NIBAN1: variants seen among roughly 807,000 people sequenced by gnomAD.
The protein encoded by NIBAN1 is protein Niban 1.
A neutral mutation model predicts 75.1 loss-of-function variants in NIBAN1; 81 were observed. That is an observed-to-expected ratio of 1.08 (90% CI 0.90 to 1.30). The LOEUF (loss-of-function observed/expected upper bound fraction) is 1.30. Among genes scored for constraint, NIBAN1 ranks in the 50% most tolerant of loss-of-function variants. The pLI, the probability that NIBAN1 is intolerant of heterozygous loss-of-function variation, is 0.00. For missense variants in NIBAN1, 1,133 were observed against 1,128.1 expected (o/e 1.00, Z -0.06); for synonymous variants, 436 against 424.8 (o/e 1.03, Z -0.32).
At position 184,942,067 on chromosome 1, in the gene NIBAN1, A is replaced by T. The variant is rs563928448; in HGVS notation, c.55+32235T>A. Among the ~76,000 whole-genome samples the T allele has an allele frequency of 4.7e-4, 71 of 152,036 alleles. 1 individual carries two copies. The highest frequency in any genetic ancestry group is 1.4e-3 in the African/African-American group (57 of 41,298). ...ATCATAATTGTGCCTACAGTTTTTT[A>T]AAAAAACAAATTAAGTAGACAATTT... On this transcript the variant is annotated intron_variant, in intron 1 of 13. Coordinates refer to ENST00000367511, the MANE Select transcript of NIBAN1 (RefSeq NM_052966.4).
chr1:184,941,890 G>A (rs915961216), intron 1 of NIBAN1, among the ~76,000 whole-genome samples: 1 of 152,150 alleles, frequency 6.6e-6, no homozygotes, highest in Non-Finnish European at 1.5e-5. Context: ...GGGTTCAGTA[G>A]CAGATCAGCT....
intron 2 of NIBAN1, among the ~76,000 whole-genome samples, 157 bp from the exon 3 acceptor site, chr1:184,894,363 C>G (rs546310318): frequency 1.6e-4 from 24 of 152,318 alleles, no homozygotes; most frequent in African/African-American, 5.1e-4. Context: ...CACAATTTCC[C>G]TTTCCTACTC....
intron 1 of NIBAN1, among the ~76,000 whole-genome samples, chr1:184,932,244 C>A (rs1226392849): frequency 6.6e-6 from 1 of 152,126 alleles, no homozygotes; most frequent in African/African-American, 2.4e-5. Flanking sequence ...TACTTTATTT[C>A]TATTATTATT....
At chr1:184,900,290 G>T (rs1222027618) in intron 1 of NIBAN1, among the ~76,000 whole-genome samples, 2 of 152,104 alleles carry the variant, frequency 1.3e-5, no homozygotes, top group East Asian at 3.9e-4. Context: ...GGAAACTTTG[G>T]TTTAAGAGCC....
At position 184,791,830 on chromosome 1, in the gene NIBAN1, CA is replaced by C. The variant is rs1653704376; in HGVS notation, c.*3146del. On this transcript the variant is annotated 3_prime_UTR_variant, in exon 14 of 14. Coordinates refer to ENST00000367511, the MANE Select transcript of NIBAN1 (RefSeq NM_052966.4). Reference sequence around the variant, plus strand: ...GACACATACAAGTCTGTATGAAAAGCAAAACAAACTCATGGTGATATGCAGT... The same window carrying C: ...GACACATACAAGTCTGTATGAAAAGCAAACAAACTCATGGTGATATGCAGT... The C allele has an allele frequency of 6.6e-6, 1 of 152,058 alleles. No homozygotes were observed. Among genetic ancestry groups the C allele is most frequent in the Non-Finnish European group, 1.5e-5 (1 of 68,000 alleles). The allele number at this position is 152,058 out of a possible 1,614,324, so 9.4% of individuals were successfully genotyped here.
chr1:184,928,908 GC>G (rs1354043873), intron 1 of NIBAN1, among the ~76,000 whole-genome samples: 1 of 152,084 alleles, frequency 6.6e-6, no homozygotes, highest in Non-Finnish European at 1.5e-5. Flanking sequence ...ATCTTGCTCT[GC>G]CCCAAGTCCT....
intron 1 of NIBAN1, among the ~76,000 whole-genome samples, chr1:184,904,139 ACCCG>A (rs1000449681): frequency 6.6e-6 from 1 of 151,486 alleles, no homozygotes; most frequent in African/African-American, 2.4e-5. Context: ...CAAGTGATCC[ACCCG>A]CCTCGGCCTC....
In NIBAN1 at chr1:184,795,537, C is replaced by T; in HGVS notation, c.2227G>A (p.Glu743Lys). 6.2e-7 allele frequency: 1 copy of T among 1,614,114 alleles called. No homozygotes were observed. Among genetic ancestry groups the T allele is most frequent in the Non-Finnish European group, 8.5e-7 (1 of 1,180,036 alleles). ...DTNGESHVPQ[E>K]NEEEEEKEPS... ...TCTTTTTCCTCTTCTTCTTCATTTT[C>T]TTGGGGAACGTGGCTCTCCCCATTC... Residue 743 changes from glutamate to lysine, a missense_variant, in exon 14 of 14, where the codon GAA (glutamate) becomes AAA (lysine). Transcript: ENST00000367511.
intron 1 of NIBAN1, among the ~76,000 whole-genome samples, chr1:184,968,900 A>G (rs890793657): frequency 6.6e-6 from 1 of 152,214 alleles, no homozygotes; most frequent in Admixed American, 6.5e-5. Flanking sequence ...CCTTTTGTCC[A>G]GTTACTCTGC....
chr1:184,873,058 A>T (rs1571536830), intron 5 of NIBAN1, among the ~76,000 whole-genome samples: 1 of 152,370 alleles, frequency 6.6e-6, no homozygotes, highest in Middle Eastern at 3.4e-3. Context: ...GGAAGCCAGA[A>T]GATCATGAAA....
intron 1 of NIBAN1, among the ~76,000 whole-genome samples, chr1:184,927,260 G>A (rs1657706404): frequency 6.6e-6 from 1 of 152,142 alleles, no homozygotes; most frequent in Non-Finnish European, 1.5e-5. Context: ...GGTATTTATT[G>A]TCATGTTCTC....
intron 1 of NIBAN1, among the ~76,000 whole-genome samples, chr1:184,953,891 G>A (rs780223856): frequency 2.7e-4 from 41 of 152,204 alleles, no homozygotes; most frequent in Non-Finnish European, 5.6e-4. Context: ...AAAGTTCAGA[G>A]AAAATGAGAC....
chr1:184,833,571 ACATGCC>A, intron 5 of NIBAN1, among the ~76,000 whole-genome samples: 1 of 152,040 alleles, frequency 6.6e-6, no homozygotes, highest in East Asian at 1.9e-4. Context: ...GCACGGTGGC[ACATGCC>A]CATAGTCCCA....
intron 6 of NIBAN1, among the ~76,000 whole-genome samples, chr1:184,824,699 T>C (rs895137054): frequency 1.3e-5 from 2 of 152,236 alleles, no homozygotes; most frequent in Non-Finnish European, 2.9e-5. Flanking sequence ...CTATTTTTTT[T>C]TAAATGGAGT....
At position 184,808,219 on chromosome 1, in the gene NIBAN1, A is replaced by G. The variant is rs1206339530; in HGVS notation, c.1190T>C (p.Met397Thr). Residue 397 changes from methionine (M) to threonine (T), a missense_variant, in exon 10 of 14, where the codon ATG becomes ACG. Met to Thr is a moderately conservative substitution (Grantham distance 81). Transcript: ENST00000367511. Reference protein sequence around the residue: ...VQLKEHLDRLMNLPLHSVKME... With the variant: ...VQLKEHLDRLTNLPLHSVKME... The stretch of plus-strand genomic sequence containing the variant: ...CTTCACGGAATGCAGCGGAAGATTC[A>G]TAAGCCGGTCTAGATGCTGCATTTT... The G allele has an allele frequency of 6.2e-7, 1 of 1,614,120 alleles. No individual in the cohort carries two copies. The highest frequency in any genetic ancestry group is 1.1e-5 in the South Asian group (1 of 91,070).
intron 1 of NIBAN1, among the ~76,000 whole-genome samples, chr1:184,939,954 T>A (rs1276187569): frequency 2.0e-5 from 3 of 152,202 alleles, no homozygotes; most frequent in Admixed American, 2.0e-4. Context: ...AAATTTTCAG[T>A]GACAAATATC....
intron 5 of NIBAN1, among the ~76,000 whole-genome samples, chr1:184,841,360 A>G (rs642027): frequency 0.097 from 14,779 of 152,218 alleles, 854 homozygotes; most frequent in African/African-American, 0.16. Context: ...TGTAAGGTTG[A>G]GCCTCATAAA....
intron 1 of NIBAN1, among the ~76,000 whole-genome samples, chr1:184,954,416 GA>G (rs1658432358): frequency 6.6e-6 from 1 of 152,182 alleles, no homozygotes; most frequent in Non-Finnish European, 1.5e-5. Context: ...GAAGAGATAA[GA>G]AAATCTTAGC....
chr1:184,879,489 T>C (rs1265777778), intron 5 of NIBAN1, among the ~76,000 whole-genome samples: 1 of 152,086 alleles, frequency 6.6e-6, no homozygotes, highest in Non-Finnish European at 1.5e-5. Flanking sequence ...ACTAGATGCA[T>C]AGTCTCTCAA....
Sources: gnomAD v4.1 joint callset for allele counts (sites outside exome capture counted in the v4.1 genomes callset) on GRCh38, gnomAD v4.1.1 for gene constraint, MANE v1.5 for transcripts, NCBI Gene and HGNC (gene_info 2026-07-23, HGNC 2026-07-21) for gene names.